The following SUCLG2 variants were observed in gnomAD, a reference collection of about 807,000 sequenced individuals.
SUCLG2 encodes succinate--CoA ligase [GDP-forming] subunit beta, mitochondrial.
Under a neutral mutation model 47.9 loss-of-function variants are expected in SUCLG2, and 42 were observed. The observed-to-expected ratio is 0.88, with a 90% confidence interval of 0.69 to 1.14. The LOEUF (loss-of-function observed/expected upper bound fraction) is 1.14, where lower values mean the gene tolerates loss of function less well. SUCLG2 is among the 50% of genes most tolerant of loss of function. The pLI, the probability that SUCLG2 is intolerant of heterozygous loss-of-function variation, is 0.00. For synonymous variants in SUCLG2, 195 were observed against 197.3 expected (o/e 0.99, Z 0.10); for missense variants, 571 against 525.9 (o/e 1.09, Z -0.84).
At chr3:67,503,355 A>C (rs1361832418) in intron 7 of SUCLG2, among the ~76,000 whole-genome samples, 3 of 152,154 alleles carry the variant, frequency 2.0e-5, no homozygotes, top group Non-Finnish European at 4.4e-5. Context: ...ATAAATAAAA[A>C]CCTGTGGCTA....
chr3:67,553,411 T>TCAACTTGCAAATCTTATCATTCTA (rs944246554), intron 2 of SUCLG2, among the ~76,000 whole-genome samples: 1 of 152,258 alleles, frequency 6.6e-6, no homozygotes, highest in African/African-American at 2.4e-5. Context: ...GCCTTTGAGT[T>TCAACTTGCAAATCTTATCATTCTA]CAACTTGCAA....
At chr3:67,510,763 G>A (rs1018461621) in intron 6 of SUCLG2, among the ~76,000 whole-genome samples, 2 of 151,996 alleles carry the variant, frequency 1.3e-5, no homozygotes, top group South Asian at 2.1e-4. Context: ...TGACATTACA[G>A]CACTGCCTTA....
intron 9 of SUCLG2, among the ~76,000 whole-genome samples, chr3:67,424,790 C>A (rs74798972): frequency 6.6e-6 from 1 of 152,104 alleles, no homozygotes; most frequent in South Asian, 2.1e-4. Context: ...TGCAGGACAA[C>A]GATGATTATA....
chr3:67,549,547 T>C lies in SUCLG2; in HGVS notation c.227-20361A>G, dbSNP rs137893171. 4.4e-3 allele frequency among the ~76,000 whole-genome samples: 668 copies of C among 152,360 alleles called. 6 individuals are homozygous for C. Among genetic ancestry groups the C allele is most frequent in the Middle Eastern group, 0.01 (3 of 294 alleles). ...AAAGCCCACATCAACAGTGGTTATC[T>C]ATAGGGAATAGGGGTTGATCTTTAC... On this transcript the variant is annotated intron_variant, in intron 2 of 10. Coordinates refer to ENST00000307227, the MANE Select transcript of SUCLG2 (RefSeq NM_003848.4).
chr3:67,583,380 T>A (rs542921401), intron 2 of SUCLG2, among the ~76,000 whole-genome samples: 64 of 152,300 alleles, frequency 4.2e-4, no homozygotes, highest in South Asian at 1.0e-3. Context: ...AGCGAAAGGA[T>A]CCTTTTAAAA....
intron 6 of SUCLG2, among the ~76,000 whole-genome samples, chr3:67,512,169 C>T (rs915810627): frequency 6.6e-6 from 1 of 151,092 alleles, no homozygotes; most frequent in African/African-American, 2.5e-5. Context: ...GGAAATTTCA[C>T]AATAATGTCA....
intron 2 of SUCLG2, among the ~76,000 whole-genome samples, chr3:67,578,269 T>C (rs1292209836): frequency 7.2e-6 from 1 of 139,148 alleles, no homozygotes; most frequent in Non-Finnish European, 1.5e-5. Flanking sequence ...AAATTTTATA[T>C]ATATAAAATT....
chr3:67,365,026 G>A (rs1033293608), intron 10 of SUCLG2, among the ~76,000 whole-genome samples: 1 of 152,122 alleles, frequency 6.6e-6, no homozygotes, highest in Non-Finnish European at 1.5e-5. Flanking sequence ...AAATAAAAAT[G>A]GATGAGCTGA....
intron 6 of SUCLG2, among the ~76,000 whole-genome samples, chr3:67,516,673 G>A (rs886882613): frequency 2.0e-5 from 3 of 152,208 alleles, no homozygotes; most frequent in African/African-American, 7.2e-5. Flanking sequence ...GCCAGCTGCT[G>A]GCAACACAGC....
chr3:67,626,880 C>T (rs759246792), intron 1 of SUCLG2, among the ~76,000 whole-genome samples: 3 of 139,420 alleles, frequency 2.2e-5, no homozygotes, highest in Admixed American at 7.5e-5. Context: ...CACCACTGCA[C>T]TCCAGCCTGG....
At chr3:67,409,154 G>T (rs1330331626) in intron 9 of SUCLG2, 11 of 1,184,094 alleles carry the variant, frequency 9.3e-6, no homozygotes, top group Non-Finnish European at 1.2e-5. Context: ...AGAGCTCATG[G>T]TTTTGGCATT....
chr3:67,389,064 T>A (rs538015200), intron 10 of SUCLG2, among the ~76,000 whole-genome samples: 9 of 152,076 alleles, frequency 5.9e-5, no homozygotes, highest in African/African-American at 2.2e-4. Flanking sequence ...ATGTTACGGC[T>A]AAAAGAACAG....
At chr3:67,554,903 A>C (rs553844098) in intron 2 of SUCLG2, among the ~76,000 whole-genome samples, 3 of 152,256 alleles carry the variant, frequency 2.0e-5, no homozygotes, top group African/African-American at 7.2e-5. Context: ...ACAAGTGCTG[A>C]GGGGTAGAAG....
chr3:67,393,042 C>T (rs552333029), intron 10 of SUCLG2, among the ~76,000 whole-genome samples: 72 of 152,282 alleles, frequency 4.7e-4, no homozygotes, highest in African/African-American at 1.6e-3. Context: ...GGAAGGCAGC[C>T]AAGATGGCCG....
intron 2 of SUCLG2, among the ~76,000 whole-genome samples, chr3:67,593,139 T>C (rs1467302163): frequency 6.6e-6 from 1 of 152,234 alleles, no homozygotes; most frequent in East Asian, 1.9e-4. Context: ...TAAAGATAGA[T>C]ACCACATTAC....
At chr3:67,577,378 C>T (rs915011189) in intron 2 of SUCLG2, among the ~76,000 whole-genome samples, 1 of 151,936 alleles carries the variant, frequency 6.6e-6, no homozygotes, top group Non-Finnish European at 1.5e-5. Context: ...AAGGAATATT[C>T]TCTACTACAA....
chr3:67,414,244 G>A lies in SUCLG2; in HGVS notation c.1063-13393C>T, dbSNP rs180951655. The stretch of plus-strand genomic sequence containing the variant: ...CCTTTCATACTATGCCATCTAACTC[G>A]ACTCCGAAGTTCTTGCCACCTAGTT... On this transcript the variant is annotated intron_variant, in intron 9 of 10. Transcript: ENST00000307227. Among the ~76,000 whole-genome samples, 56 of 152,192 alleles carry A rather than the reference G, an allele frequency of 3.7e-4. 2 individuals carry two copies. Among genetic ancestry groups the A allele is most frequent in the African/African-American group, 1.2e-3 (48 of 41,522 alleles).
chr3:67,448,261 T>C (rs1309859369), intron 9 of SUCLG2, among the ~76,000 whole-genome samples: 1 of 152,164 alleles, frequency 6.6e-6, no homozygotes, highest in East Asian at 1.9e-4. Context: ...ATGAATGAAA[T>C]AGTTTCATTT....
chr3:67,380,037 T>G (rs540397897), intron 10 of SUCLG2, among the ~76,000 whole-genome samples: 1 of 152,194 alleles, frequency 6.6e-6, no homozygotes, highest in Non-Finnish European at 1.5e-5. Context: ...GATTCCCACA[T>G]ACAAAGTGTG....
Sources: allele counts gnomAD v4.1 joint callset (sites outside exome capture counted in the v4.1 genomes callset), GRCh38; gene constraint gnomAD v4.1.1; transcripts MANE v1.5; gene names NCBI Gene and HGNC (gene_info 2026-07-23, HGNC 2026-07-21).